Variants in DMRTA1 observed in about 807,000 individuals in gnomAD.
The protein encoded by DMRTA1 is DMRT like family A1, also known as doublesex- and mab-3-related transcription factor A1.
A neutral mutation model predicts 35.2 loss-of-function variants in DMRTA1; 34 were observed. That is an observed-to-expected ratio of 0.97 (90% CI 0.74 to 1.29). DMRTA1 has a LOEUF of 1.29. DMRTA1 is among the 50% of genes most tolerant of loss of function. The pLI is 0.00. For synonymous variants in DMRTA1, 344 were observed against 276.6 expected, an observed-to-expected ratio of 1.24 and a Z score of -2.42; for missense variants, 824 against 644.6, an observed-to-expected ratio of 1.28 and a Z score of -3.01.
chr9:22,451,318 T>C lies in DMRTA1; in HGVS notation c.922T>C (p.Trp308Arg), dbSNP rs1157024055. The C allele has an allele frequency of 6.2e-7, 1 of 1,614,082 alleles. No homozygotes were observed. Among genetic ancestry groups the C allele is most frequent in the African/African-American group, 1.3e-5 (1 of 75,038 alleles). Reference protein sequence around the residue: ...SDLESGNESEWVKDLTATKAS... With the variant: ...SDLESGNESERVKDLTATKAS... ...TCTGGAATCAGGAAATGAAAGTGAA[T>C]GGGTCAAAGACTTGACTGCGACCAA... is the stretch of plus-strand genomic sequence containing the variant. The change falls in exon 2 of 2, where the codon TGG becomes CGG. Residue 308 changes from tryptophan (W) to arginine (R), a missense_variant. Coordinates refer to ENST00000325870, the MANE Select transcript of DMRTA1 (RefSeq NM_022160.3).
intron 1 of DMRTA1, among the ~76,000 whole-genome samples, chr9:22,449,657 G>T (rs1400452934): frequency 6.6e-6 from 1 of 152,106 alleles, no homozygotes; most frequent in Non-Finnish European, 1.5e-5. Context: ...AATTTCATTA[G>T]AAAAGTATTA....
rs1818979298 is a variant in DMRTA1, at chr9:22,454,740, A to G, written c.*2829A>G. On this transcript the variant is annotated 3_prime_UTR_variant, in exon 2 of 2. Transcript: ENST00000325870. ...TATTCTGTATCATATAGAGGGCCTA[A>G]GAGGCAAACATTTCATAGAGTATTC... The G allele has an allele frequency of 6.6e-6, 1 of 152,214 alleles. No individual in the cohort carries two copies. The highest frequency in any genetic ancestry group is 1.5e-5 in the Non-Finnish European group (1 of 68,028). The allele number at this position is 152,214 out of a possible 1,614,324, so 9.4% of individuals were successfully genotyped here. A position where few individuals can be genotyped will look rare whatever the true frequency, so the allele number is the denominator to read the frequency against.
rs1289305544 is a variant in DMRTA1 at position 22,453,900 on chromosome 9, A to G, written c.*1989A>G. The G allele has an allele frequency of 1.3e-5, 2 of 152,108 alleles. No homozygotes were observed. Among genetic ancestry groups the G allele is most frequent in the Middle Eastern group, 3.2e-3 (1 of 316 alleles). 9.4% of individuals were successfully genotyped at this position (152,108 alleles called of 1,614,324 possible). A position where few individuals can be genotyped will look rare whatever the true frequency, so the allele number is the denominator to read the frequency against. Reference sequence around the variant, plus strand: ...GCTCTAAAGGAAGTTACATTATACAATAGAGATATGGTTTAAAAAAAAATC... The same window carrying G: ...GCTCTAAAGGAAGTTACATTATACAGTAGAGATATGGTTTAAAAAAAAATC... On this transcript the variant is annotated 3_prime_UTR_variant, in exon 2 of 2. Transcript: ENST00000325870.
chr9:22,451,777 GT>G lies in DMRTA1; in HGVS notation c.1382del (p.Val461AspfsTer17). On this transcript the variant is annotated frameshift_variant, in exon 2 of 2. Coordinates refer to ENST00000325870, the MANE Select transcript of DMRTA1 (RefSeq NM_022160.3). LOFTEE classifies it high-confidence loss of function. ...FMSPYLTPGL[V>X]PTLPFRPALD... The stretch of plus-strand genomic sequence containing the variant: ...GTCACCCTACCTAACACCTGGGTTA[GT>G]ACCAACCTTACCTTTTCGGCCAGCT... 6.2e-7 allele frequency: 1 copy of G among 1,614,088 alleles called. No individual in the cohort carries two copies. Among genetic ancestry groups the G allele is most frequent in the Non-Finnish European group, 8.5e-7 (1 of 1,179,930 alleles).
Position 22,447,576 on chromosome 9 carries a change from C to A in DMRTA1, c.511C>A (p.Arg171=). The A allele has an allele frequency of 6.3e-7, 1 of 1,599,194 alleles. No homozygotes were observed. Among genetic ancestry groups the A allele is most frequent in the Non-Finnish European group, 8.5e-7 (1 of 1,173,830 alleles). ...CSGLSWPPGG[R]ASGGGGRAEN... is the part of the protein sequence containing the mutation. ...GGGGCTCTCCTGGCCCCCCGGTGGT[C>A]GGGCATCCGGGGGCGGCGGCAGAGC... Residue 171 remains arginine (R), a synonymous_variant, in exon 1 of 2, where the codon CGG becomes AGG. Transcript: ENST00000325870.
At position 22,446,853 on chromosome 9, in the gene DMRTA1, C is replaced by T. The variant is rs1032357243; in HGVS notation, c.-213C>T. 1.4e-5 allele frequency: 8 copies of T among 586,448 alleles called. No individual in the cohort carries two copies. In the South Asian group the frequency reaches 1.8e-4, roughly 13 times the overall value. The allele number at this position is 586,448 out of a possible 1,614,324, so 36.3% of individuals were successfully genotyped here. A position where few individuals can be genotyped will look rare whatever the true frequency, so the allele number is the denominator to read the frequency against. On this transcript the variant is annotated 5_prime_UTR_variant, in exon 1 of 2. Transcript: ENST00000325870. ...TAGCGCCCGGGGTCTCTGCCAGGCT[C>T]ACGGGACAGCTGCACCTCTCAGCGT...
Position 22,451,697 on chromosome 9 carries a change from T to A in DMRTA1, c.1301T>A (p.Ile434Asn), listed in dbSNP as rs770498012. 6.2e-6 allele frequency: 10 copies of A among 1,614,146 alleles called. No individual in the cohort carries two copies. Among genetic ancestry groups the A allele is most frequent in the Non-Finnish European group, 8.5e-6 (10 of 1,179,964 alleles). ...TACGGCGTAAATCCTAGAGTAGGTATCAGTCCATTAAGGCTGGCATATTCT... is the reference window on the plus strand; with the variant it reads ...TACGGCGTAAATCCTAGAGTAGGTAACAGTCCATTAAGGCTGGCATATTCT... The part of the protein sequence containing the change: ...SLYGVNPRVG[I>N]SPLRLAYSSA... The change falls in exon 2 of 2, where the codon ATC (isoleucine) becomes AAC (asparagine). Residue 434 changes from isoleucine to asparagine, a missense_variant. Coordinates refer to ENST00000325870, the MANE Select transcript of DMRTA1 (RefSeq NM_022160.3).
rs1818840480 is a variant in DMRTA1, at chr9:22,447,070, A to T, written c.5A>T (p.Glu2Val). Reference protein sequence around the residue: MERSQCGSRDRG... With the variant: MVRSQCGSRDRG... Reference sequence around the variant, plus strand: ...CCGGCCAGAAATTTCTCGGGAATGGAGCGGTCACAGTGTGGCAGCAGAGAC... The same window carrying T: ...CCGGCCAGAAATTTCTCGGGAATGGTGCGGTCACAGTGTGGCAGCAGAGAC... Residue 2 changes from glutamate (E) to valine (V), a missense_variant, in exon 1 of 2, where the codon GAG (glutamate) becomes GTG (valine). Glu to Val is a moderately radical substitution (Grantham distance 121). Transcript: ENST00000325870. The T allele has an allele frequency of 6.2e-7, 1 of 1,608,070 alleles. No individual in the cohort carries two copies. The highest frequency in any genetic ancestry group is 8.5e-7 in the Non-Finnish European group (1 of 1,178,040).
chr9:22,447,649 GA>G lies in DMRTA1; in HGVS notation c.585del (p.Leu196TrpfsTer4). 6.2e-7 allele frequency: 1 copy of G among 1,611,008 alleles called. No individual in the cohort carries two copies. The highest frequency in any genetic ancestry group is 8.5e-7 in the Non-Finnish European group (1 of 1,179,338). Reference sequence around the variant, plus strand: ...GGCCCTGCGGCGGGGGCTGCGCTGGGACTGGGTGCCTTGAGACAGGCCAGTG... The same window carrying G: ...GGCCCTGCGGCGGGGGCTGCGCTGGGCTGGGTGCCTTGAGACAGGCCAGTG... ...TGGPAAGAAL[G>X]LGALRQASGS... On this transcript the variant is annotated frameshift_variant, in exon 1 of 2. Coordinates refer to ENST00000325870, the MANE Select transcript of DMRTA1 (RefSeq NM_022160.3). LOFTEE classifies it high-confidence loss of function.
In DMRTA1 at chr9:22,453,411, A is replaced by G. The variant is rs566413162; in HGVS notation, c.*1500A>G. ...TTTCCAAGGAATATTTTGCCAGCAA[A>G]TGTGATATTAAATTACTTCAGAGTA... On this transcript the variant is annotated 3_prime_UTR_variant, in exon 2 of 2. Transcript: ENST00000325870. 6.6e-6 allele frequency: 1 copy of G among 152,224 alleles called. No homozygotes were observed. Among genetic ancestry groups the G allele is most frequent in the South Asian group, 2.1e-4 (1 of 4,828 alleles). 9.4% of individuals were successfully genotyped at this position (152,224 alleles called of 1,614,324 possible).
chr9:22,447,503 G>A lies in DMRTA1; in HGVS notation c.438G>A (p.Gln146=). Residue 146 remains glutamine (Q), a synonymous_variant, in exon 1 of 2, where the codon CAG becomes CAA. Coordinates refer to ENST00000325870, the MANE Select transcript of DMRTA1 (RefSeq NM_022160.3). The part of the protein sequence containing the change: ...MAAQVALRRQ[Q]AQEESEARGL... The stretch of plus-strand genomic sequence containing the variant: ...CCCAGGTGGCGCTGCGCAGGCAGCA[G>A]GCGCAGGAGGAGAGCGAAGCCCGGG... 1 of 1,566,510 alleles carries A rather than the reference G, an allele frequency of 6.4e-7. No individual in the cohort carries two copies.
In DMRTA1 at chr9:22,447,125, C is replaced by A; in HGVS notation, c.60C>A (p.Ala20=). ...DRGVSGRPHL[A]PGLVVAAPPP... ...GCGTTAGCGGCCGACCTCACTTGGCCCCTGGGCTAGTGGTGGCTGCCCCTC... is the reference window on the plus strand; with the variant it reads ...GCGTTAGCGGCCGACCTCACTTGGCACCTGGGCTAGTGGTGGCTGCCCCTC... Residue 20 remains alanine (A), a synonymous_variant, in exon 1 of 2, where the codon GCC becomes GCA. Transcript: ENST00000325870. 1 of 1,608,472 alleles carries A rather than the reference C, an allele frequency of 6.2e-7. No individual in the cohort carries two copies. The highest frequency in any genetic ancestry group is 8.5e-7 in the Non-Finnish European group (1 of 1,178,282).
At chr9:22,448,300 A>C (rs1264448236) in intron 1 of DMRTA1, among the ~76,000 whole-genome samples, 1 of 152,188 alleles carries the variant, frequency 6.6e-6, no homozygotes. Context: ...GCAGTTCTTT[A>C]CTACATGTTG....
At position 22,451,648 on chromosome 9, in the gene DMRTA1, T is replaced by A; in HGVS notation, c.1252T>A (p.Ser418Thr). The change falls in exon 2 of 2, where the codon TCT becomes ACT. Residue 418 changes from serine (S) to threonine (T), a missense_variant. Transcript: ENST00000325870. ...AFSPLQTTSASYGGDSSLYGV... is the reference protein window; with the variant it reads ...AFSPLQTTSATYGGDSSLYGV... Reference sequence around the variant, plus strand: ...CTCTCCTCTTCAAACTACTTCTGCTTCTTATGGAGGTGATTCAAGTCTCTA... The same window carrying A: ...CTCTCCTCTTCAAACTACTTCTGCTACTTATGGAGGTGATTCAAGTCTCTA... The A allele has an allele frequency of 6.2e-7, 1 of 1,614,136 alleles. No individual in the cohort carries two copies. The highest frequency in any genetic ancestry group is 8.5e-7 in the Non-Finnish European group (1 of 1,179,974).
chr9:22,450,942 A>G, intron 1 of DMRTA1, 122 bp from the exon 2 acceptor site: 1 of 1,034,878 alleles, frequency 9.7e-7, no homozygotes, highest in South Asian at 1.8e-5. Context: ...CTTGGAGTGT[A>G]TAAATATTAC....
Position 22,447,183 on chromosome 9 carries a change from G to C in DMRTA1, c.118G>C (p.Gly40Arg). Residue 40 changes from glycine to arginine, a missense_variant, in exon 1 of 2, where the codon GGG becomes CGG. Coordinates refer to ENST00000325870, the MANE Select transcript of DMRTA1 (RefSeq NM_022160.3). ...PPSPALPVPS[G>R]MQVPPAFLRP... is the part of the protein sequence containing the mutation. ...GTCCCCGGCGTTGCCGGTACCATCG[G>C]GGATGCAGGTTCCCCCAGCGTTCCT... 1 of 1,598,146 alleles carries C rather than the reference G, an allele frequency of 6.3e-7. No individual in the cohort carries two copies.
intron 1 of DMRTA1, 57 bp from the exon 2 acceptor site, chr9:22,451,007 T>G: frequency 6.5e-7 from 1 of 1,542,256 alleles, no homozygotes; most frequent in Non-Finnish European, 8.7e-7. Context: ...GAGTGAGCAG[T>G]ACCACATTCT....
At position 22,451,126 on chromosome 9, in the gene DMRTA1, C is replaced by T. The variant is rs1389142181; in HGVS notation, c.730C>T (p.His244Tyr). ...ACAAGAAGAACTGATCTCCAAATCC[C>T]ATCAGCTTTACCTAGGATCATCTTC... ...NGQEELISKS[H>Y]QLYLGSSSRS... The change falls in exon 2 of 2, where the codon CAT (histidine) becomes TAT (tyrosine). Residue 244 changes from histidine (H) to tyrosine (Y), a missense_variant. By Grantham distance (83) the His-to-Tyr change is moderately conservative. Coordinates refer to ENST00000325870, the MANE Select transcript of DMRTA1 (RefSeq NM_022160.3). 6.2e-7 allele frequency: 1 copy of T among 1,613,962 alleles called. No homozygotes were observed. The highest frequency in any genetic ancestry group is 8.5e-7 in the Non-Finnish European group (1 of 1,179,936).
At chr9:22,450,166 T>C (rs1328503510) in intron 1 of DMRTA1, among the ~76,000 whole-genome samples, 1 of 152,142 alleles carries the variant, frequency 6.6e-6, no homozygotes. Context: ...ACCAGAACTT[T>C]GTGTAAAAGT....
Sources: gnomAD v4.1 joint callset for allele counts (sites outside exome capture counted in the v4.1 genomes callset) on GRCh38, gnomAD v4.1.1 for gene constraint, MANE v1.5 for transcripts, NCBI Gene and HGNC (gene_info 2026-07-23, HGNC 2026-07-21) for gene names.